Variants in ADD2 observed in about 807,000 individuals in gnomAD.
ADD2 encodes the protein beta-adducin.
ADD2 carries 23 observed loss-of-function variants against 83.0 expected under a neutral mutation model. The observed-to-expected ratio is 0.28, with a 90% confidence interval of 0.20 to 0.39. ADD2 has a LOEUF of 0.39. Ranked by LOEUF, ADD2 falls within the 10% of genes least tolerant of loss-of-function variation. ADD2 has a pLI of 1.00. For synonymous variants in ADD2, 375 were observed against 375.4 expected (o/e 1.00, Z 0.01); for missense variants, 758 against 944.9 (o/e 0.80, Z 2.59).
chr2:70,727,954 A>G (rs186354495), intron 1 of ADD2, among the ~76,000 whole-genome samples: 193 of 152,224 alleles, frequency 1.3e-3, no homozygotes, highest in Admixed American at 3.3e-3. Context: ...TTGCCAGGGA[A>G]GAGAGACAGG....
At chr2:70,728,341 A>T (rs148718402) in intron 1 of ADD2, among the ~76,000 whole-genome samples, 1 of 152,196 alleles carries the variant, frequency 6.6e-6, no homozygotes, top group African/African-American at 2.4e-5. Context: ...GGCCCTTAGC[A>T]TATACCCAAC....
intron 1 of ADD2, among the ~76,000 whole-genome samples, chr2:70,762,390 A>C (rs1675161846): frequency 6.6e-6 from 1 of 151,740 alleles, no homozygotes; most frequent in Non-Finnish European, 1.5e-5. Context: ...GATTCACCCC[A>C]CAATGGAGAG....
chr2:70,675,571 A>C (rs1383550968), intron 13 of ADD2: 1 of 985,328 alleles, frequency 1.0e-6, no homozygotes, highest in African/African-American at 1.7e-5. Flanking sequence ...CAGACTCCAC[A>C]GCCTTTTTTC....
intron 4 of ADD2, among the ~76,000 whole-genome samples, chr2:70,702,254 C>T (rs1050563968): frequency 6.6e-6 from 1 of 152,172 alleles, no homozygotes; most frequent in Non-Finnish European, 1.5e-5. Flanking sequence ...GCAACCTCCA[C>T]CTCTAGGGTT....
At chr2:70,723,078 G>A (rs1006051961) in intron 1 of ADD2, among the ~76,000 whole-genome samples, 14 of 152,268 alleles carry the variant, frequency 9.2e-5, no homozygotes, top group Non-Finnish European at 1.3e-4. Context: ...CTACATGAAG[G>A]ACCCAGGGAA....
chr2:70,735,845 C>A (rs1197909861), intron 1 of ADD2, among the ~76,000 whole-genome samples: 3 of 146,766 alleles, frequency 2.0e-5, no homozygotes, highest in Non-Finnish European at 4.4e-5. Context: ...TAGGTGCCCG[C>A]AGCCATGCCC....
At position 70,661,203 on chromosome 2, in the gene ADD2, G is replaced by A. The variant is rs1558512166; in HGVS notation, c.*2222C>T. 3 of 152,182 alleles carry A rather than the reference G, an allele frequency of 2.0e-5. No individual in the cohort carries two copies. The highest frequency in any genetic ancestry group is 4.4e-5 in the Non-Finnish European group (3 of 68,038). The allele number at this position is 152,182 out of a possible 1,614,324, so 9.4% of individuals were successfully genotyped here. A position where few individuals can be genotyped will look rare whatever the true frequency, so the allele number is the denominator to read the frequency against. The stretch of plus-strand genomic sequence containing the variant: ...TAGAACAACTCGCACACAAAAGGCT[G>A]CATCAGAGGTCGTGTTCACCATTCT... On this transcript the variant is annotated 3_prime_UTR_variant, in exon 16 of 16. Transcript: ENST00000264436.
intron 2 of ADD2, among the ~76,000 whole-genome samples, chr2:70,711,575 C>T (rs1672179995): frequency 6.6e-6 from 1 of 152,026 alleles, no homozygotes; most frequent in Admixed American, 6.5e-5. Context: ...AACAAATGCC[C>T]CTTGATTTTT....
Position 70,661,256 on chromosome 2 carries a change from T to C in ADD2, c.*2169A>G, listed in dbSNP as rs1292798775. The C allele has an allele frequency of 6.6e-6, 1 of 152,248 alleles. No individual in the cohort carries two copies. Among genetic ancestry groups the C allele is most frequent in the Non-Finnish European group, 1.5e-5 (1 of 68,046 alleles). The allele number at this position is 152,248 out of a possible 1,614,324, so 9.4% of individuals were successfully genotyped here. A position where few individuals can be genotyped will look rare whatever the true frequency, so the allele number is the denominator to read the frequency against. On this transcript the variant is annotated 3_prime_UTR_variant, in exon 16 of 16. Coordinates refer to ENST00000264436, the MANE Select transcript of ADD2 (RefSeq NM_001617.4). ...CAACATCGTTTGCCACTTATTATTC[T>C]AGTCATAATGATGGCTCTCTTTCAA...
chr2:70,667,775 C>T (rs1305685927), intron 15 of ADD2, among the ~76,000 whole-genome samples: 2 of 152,060 alleles, frequency 1.3e-5, no homozygotes, highest in Admixed American at 6.6e-5. Context: ...CATGTCACCA[C>T]GCCCAGCAAA....
intron 1 of ADD2, among the ~76,000 whole-genome samples, chr2:70,728,714 G>A (rs1470673106): frequency 2.6e-5 from 4 of 152,146 alleles, no homozygotes; most frequent in African/African-American, 4.8e-5. Flanking sequence ...GCCCTTTGAC[G>A]TCTGTACCTT....
At chr2:70,701,613 C>A (rs1671585076) in intron 4 of ADD2, among the ~76,000 whole-genome samples, 1 of 151,600 alleles carries the variant, frequency 6.6e-6, no homozygotes, top group African/African-American at 2.4e-5. Context: ...TATACAATAC[C>A]CAAAAGAATT....
At chr2:70,715,376 A>C (rs1672411522) in intron 1 of ADD2, among the ~76,000 whole-genome samples, 1 of 152,220 alleles carries the variant, frequency 6.6e-6, no homozygotes, top group African/African-American at 2.4e-5. Flanking sequence ...GCTTCCTAGC[A>C]CATGCGTTGA....
At chr2:70,761,227 C>CTTTT (rs61106669) in intron 1 of ADD2, among the ~76,000 whole-genome samples, 35 of 146,770 alleles carry the variant, frequency 2.4e-4, no homozygotes, top group African/African-American at 4.2e-4. Flanking sequence ...GCATGCATTA[C>CTTTT]TTTTTTTTTT....
intron 1 of ADD2, among the ~76,000 whole-genome samples, chr2:70,730,772 C>CT (rs1673241480): frequency 1.3e-5 from 2 of 152,172 alleles, no homozygotes; most frequent in Admixed American, 6.5e-5. Flanking sequence ...TTTTACCGTA[C>CT]TTTTTCTATG....
chr2:70,675,827 G>T, intron 13 of ADD2: 1 of 985,344 alleles, frequency 1.0e-6, no homozygotes, highest in Non-Finnish European at 1.2e-6. Context: ...AAGAGCACTT[G>T]GTATAAATGG....
chr2:70,697,054 G>A lies in ADD2; in HGVS notation c.323-658C>T, dbSNP rs140050694. On this transcript the variant is annotated intron_variant, in intron 4 of 15. Transcript: ENST00000264436. Reference sequence around the variant, plus strand: ...CGCGCCTGTAATACCAGCTACTCAGGAGGCTGAGGCAGGAGAATCGTTTGA... The same window carrying A: ...CGCGCCTGTAATACCAGCTACTCAGAAGGCTGAGGCAGGAGAATCGTTTGA... Among the ~76,000 whole-genome samples, 557 of 152,306 alleles carry A rather than the reference G, an allele frequency of 3.7e-3. 1 individual carries two copies. The highest frequency in any genetic ancestry group is 0.014 in the Middle Eastern group (4 of 294).
chr2:70,721,985 AT>A (rs1672749526), intron 1 of ADD2, among the ~76,000 whole-genome samples: 1 of 152,196 alleles, frequency 6.6e-6, no homozygotes, highest in South Asian at 2.1e-4. Flanking sequence ...AAAACTATTA[AT>A]AAGATAGAGG....
intron 1 of ADD2, among the ~76,000 whole-genome samples, chr2:70,722,373 T>C (rs1299913906): frequency 2.0e-5 from 3 of 152,216 alleles, no homozygotes; most frequent in Non-Finnish European, 4.4e-5. Flanking sequence ...ACATCCCAAC[T>C]TCAAAGATGT....
Sources: allele counts gnomAD v4.1 joint callset (sites outside exome capture counted in the v4.1 genomes callset), GRCh38; gene constraint gnomAD v4.1.1; transcripts MANE v1.5; gene names NCBI Gene and HGNC (gene_info 2026-07-23, HGNC 2026-07-21).